CORIN: variants seen among roughly 807,000 people sequenced by gnomAD.
The protein encoded by CORIN is atrial natriuretic peptide-converting enzyme.
A neutral mutation model predicts 125.3 loss-of-function variants in CORIN; 117 were observed. The ratio of observed to expected loss-of-function variants is 0.93; its 90% CI spans 0.80 to 1.09. The LOEUF is 1.09. Among genes scored for constraint, CORIN ranks in the 50% least tolerant of loss-of-function variants. CORIN has a pLI of 0.00. For missense variants in CORIN, 1,253 were observed against 1,306.7 expected, an observed-to-expected ratio of 0.96 and a Z score of 0.63; for synonymous variants, 450 against 466.4, an observed-to-expected ratio of 0.96 and a Z score of 0.45.
chr4:47,749,803 G>C (rs1247541474), intron 4 of CORIN, among the ~76,000 whole-genome samples: 3 of 152,080 alleles, frequency 2.0e-5, no homozygotes, highest in Admixed American at 2.0e-4. Context: ...TCTTTGTTAG[G>C]CTGAGCTGTT....
chr4:47,801,775 G>A (rs1402277769), intron 2 of CORIN, among the ~76,000 whole-genome samples: 1 of 152,248 alleles, frequency 6.6e-6, no homozygotes, highest in Non-Finnish European at 1.5e-5. Flanking sequence ...CCTCACCACT[G>A]CAGGCTGGAA....
chr4:47,750,359 T>C (rs1409055764), intron 4 of CORIN, among the ~76,000 whole-genome samples: 2 of 152,204 alleles, frequency 1.3e-5, no homozygotes, highest in African/African-American at 2.4e-5. Flanking sequence ...TTTGGTCACA[T>C]TGGTCTGACT....
chr4:47,705,865 T>C (rs765082235), intron 5 of CORIN, among the ~76,000 whole-genome samples: 1 of 152,224 alleles, frequency 6.6e-6, no homozygotes, highest in Non-Finnish European at 1.5e-5. Flanking sequence ...TAACAGTATT[T>C]GAAAACCATC....
At chr4:47,761,349 C>T (rs934329835) in intron 4 of CORIN, among the ~76,000 whole-genome samples, 13 of 152,070 alleles carry the variant, frequency 8.5e-5, no homozygotes, top group African/African-American at 3.1e-4. Flanking sequence ...GTTAATTAGC[C>T]TAATTTGAAT....
intron 1 of CORIN, among the ~76,000 whole-genome samples, chr4:47,831,689 G>C (rs376268791): frequency 1.4e-4 from 22 of 152,126 alleles, no homozygotes; most frequent in African/African-American, 5.1e-4. Context: ...AAGAAATCCA[G>C]CTAGGGAAAA....
chr4:47,661,886 A>C, intron 11 of CORIN, 30 bp from the exon 12 acceptor site: 1 of 1,563,462 alleles, frequency 6.4e-7, no homozygotes, highest in Non-Finnish European at 8.7e-7. Flanking sequence ...AAAACATTAG[A>C]AGCAGAAATA....
At chr4:47,665,320 T>C (rs1724435119) in intron 10 of CORIN, 57 bp from the exon 11 acceptor site, 1 of 1,309,498 alleles carries the variant, frequency 7.6e-7, no homozygotes, top group East Asian at 2.4e-5. Context: ...AAACAACTTC[T>C]TTAAGTTTTA....
chr4:47,746,448 C>G (rs1273087837), intron 4 of CORIN, among the ~76,000 whole-genome samples: 1 of 152,158 alleles, frequency 6.6e-6, no homozygotes, highest in Non-Finnish European at 1.5e-5. Flanking sequence ...GATTAGAACT[C>G]GGGCAGATTG....
chr4:47,710,057 G>A (rs1726768306), intron 5 of CORIN, among the ~76,000 whole-genome samples: 1 of 152,214 alleles, frequency 6.6e-6, no homozygotes, highest in South Asian at 2.1e-4. Context: ...AATTTTAAGT[G>A]TAAATTTATT....
rs1732351074 is a variant in CORIN at position 47,818,100 on chromosome 4, C to T, written c.64-11053G>A. Among the ~76,000 whole-genome samples, 3 of 152,174 alleles carry T rather than the reference C, an allele frequency of 2.0e-5. No homozygotes were observed. The South Asian group carries it at 6.2e-4, about 32-fold the overall frequency. On this transcript the variant is annotated intron_variant, in intron 1 of 21. Coordinates refer to ENST00000273857, the MANE Select transcript of CORIN (RefSeq NM_006587.4). ...ATTCAAAGGCCTGTGCATTAAACAT[C>T]CTGTCTCTACAGAATGTTTATCTCA...
chr4:47,705,313 G>A (rs543285143), intron 5 of CORIN, among the ~76,000 whole-genome samples: 7 of 152,172 alleles, frequency 4.6e-5, no homozygotes, highest in South Asian at 2.1e-4. Flanking sequence ...TATGGTTTAC[G>A]TCTTCATAAA....
chr4:47,653,457 C>T (rs951536254), intron 13 of CORIN, 96 bp downstream of exon 13: 64 of 907,466 alleles, frequency 7.1e-5, no homozygotes, highest in Non-Finnish European at 1.8e-5. Context: ...AATCCTAGTC[C>T]TACTATCAGT....
chr4:47,833,915 G>A (rs1422352861), intron 1 of CORIN, among the ~76,000 whole-genome samples: 1 of 152,164 alleles, frequency 6.6e-6, no homozygotes, highest in Non-Finnish European at 1.5e-5. Flanking sequence ...AGTGTTGGAT[G>A]CCAAGAAAAT....
chr4:47,619,322 A>T (rs1320184826), intron 19 of CORIN, among the ~76,000 whole-genome samples: 3 of 152,218 alleles, frequency 2.0e-5, no homozygotes, highest in Admixed American at 2.0e-4. Flanking sequence ...CAGGCTGAGG[A>T]TACCCACCAA....
intron 12 of CORIN, among the ~76,000 whole-genome samples, chr4:47,658,131 C>T (rs1369200013): frequency 6.6e-6 from 1 of 152,186 alleles, no homozygotes; most frequent in Non-Finnish European, 1.5e-5. Context: ...GATACAATGG[C>T]TGTACAGGCA....
chr4:47,736,040 AT>A (rs906310798), intron 5 of CORIN, among the ~76,000 whole-genome samples: 1 of 151,006 alleles, frequency 6.6e-6, no homozygotes, highest in Non-Finnish European at 1.5e-5. Flanking sequence ...AACACTGATG[AT>A]TTTTTTATTT....
intron 5 of CORIN, among the ~76,000 whole-genome samples, chr4:47,715,813 G>C (rs954500939): frequency 9.2e-5 from 14 of 152,256 alleles, no homozygotes; most frequent in African/African-American, 3.4e-4. Context: ...GGATGAATGT[G>C]AAGAAATACC....
chr4:47,725,814 G>T (rs1727566050), intron 5 of CORIN, among the ~76,000 whole-genome samples: 1 of 152,016 alleles, frequency 6.6e-6, no homozygotes, highest in Non-Finnish European at 1.5e-5. Flanking sequence ...ACAAGGTACA[G>T]AGAGTGGGAA....
chr4:47,785,228 C>G (rs773944086), intron 3 of CORIN, among the ~76,000 whole-genome samples: 4 of 152,164 alleles, frequency 2.6e-5, no homozygotes, highest in African/African-American at 9.7e-5. Context: ...CTGTACTGTG[C>G]TCTGATTATT....
Sources: gnomAD v4.1 joint callset for allele counts (sites outside exome capture counted in the v4.1 genomes callset) on GRCh38, gnomAD v4.1.1 for gene constraint, MANE v1.5 for transcripts, NCBI Gene and HGNC (gene_info 2026-07-23, HGNC 2026-07-21) for gene names.